MRPL22: variants seen among roughly 807,000 people sequenced by gnomAD.
The protein encoded by MRPL22 is mitochondrial ribosomal protein L22.
MRPL22 carries 27 observed loss-of-function variants against 32.4 expected under a neutral mutation model. The ratio of observed to expected loss-of-function variants is 0.83; its 90% confidence interval spans 0.61 to 1.15. The LOEUF (loss-of-function observed/expected upper bound fraction) is 1.15, where lower values mean the gene tolerates loss of function less well. Among genes scored for constraint, MRPL22 ranks in the 50% most tolerant of loss-of-function variants. The pLI is 0.00. For missense variants in MRPL22, 239 were observed against 260.2 expected, an observed-to-expected ratio of 0.92 and a Z score of 0.56; for synonymous variants, 86 against 87.3, an observed-to-expected ratio of 0.99 and a Z score of 0.08.
rs1764812309 is a variant in MRPL22 at position 154,969,132 on chromosome 5, C to G, written c.*2235C>G. The G allele has an allele frequency of 1.3e-5, 2 of 152,136 alleles. No homozygotes were observed. The highest frequency in any genetic ancestry group is 2.9e-5 in the Non-Finnish European group (2 of 68,040). 9.4% of individuals were successfully genotyped at this position (152,136 alleles called of 1,614,324 possible). On this transcript the variant is annotated 3_prime_UTR_variant, in exon 7 of 7. Transcript: ENST00000523037. ...CCCAATCTTATCTCAAATTGTAATC[C>G]CCATGTGTCCAGGGAGGGACCTGTA... is the stretch of plus-strand genomic sequence containing the variant.
chr5:154,951,871 T>C (rs1240155699), intron 3 of MRPL22, among the ~76,000 whole-genome samples: 1 of 151,672 alleles, frequency 6.6e-6, no homozygotes, highest in Non-Finnish European at 1.5e-5. Flanking sequence ...CTGAGCTCTT[T>C]GAAATCACGT....
chr5:154,952,603 T>C (rs1410116665), intron 3 of MRPL22, among the ~76,000 whole-genome samples: 1 of 152,216 alleles, frequency 6.6e-6, no homozygotes, highest in Non-Finnish European at 1.5e-5. Context: ...ATTTTCTGAC[T>C]TTAAATAGTA....
intron 3 of MRPL22, 120 bp downstream of exon 3, chr5:154,951,058 A>T (rs1417937001): frequency 2.9e-6 from 2 of 679,124 alleles, no homozygotes; most frequent in Admixed American, 2.7e-5. Flanking sequence ...TAATTGACAG[A>T]GAAGATGTAC....
intron 2 of MRPL22, among the ~76,000 whole-genome samples, chr5:154,949,484 T>C (rs1379855648): frequency 2.0e-5 from 3 of 152,204 alleles, no homozygotes; most frequent in Admixed American, 6.5e-5. Flanking sequence ...ATTGGGCAAG[T>C]TGATGGAAGA....
chr5:154,944,522 C>G lies in MRPL22; in HGVS notation c.77+3257C>G, dbSNP rs1399590341. On this transcript the variant is annotated intron_variant, in intron 2 of 6. Coordinates refer to ENST00000523037, the MANE Select transcript of MRPL22 (RefSeq NM_014180.4). ...CTGTCTCTGTATTCTTTCATTGATT[C>G]TACAAATATGTATTTAGTGCCTGCT... Among the ~76,000 whole-genome samples, 3 of 152,270 alleles carry G rather than the reference C, an allele frequency of 2.0e-5. No individual in the cohort carries two copies. In the East Asian group the frequency reaches 5.8e-4, roughly 29 times the overall value.
At position 154,941,285 on chromosome 5, in the gene MRPL22, G is replaced by A. The variant is rs1381509823; in HGVS notation, c.77+20G>A. On this transcript the variant is annotated intron_variant, in intron 2 of 6. Coordinates refer to ENST00000523037, the MANE Select transcript of MRPL22 (RefSeq NM_014180.4). Reference sequence around the variant, plus strand: ...CTTGGGGTGAGTCTCTCGCTTCGGAGTTTCGGAAGGGCCCAAGGCATCTTT... The same window carrying A: ...CTTGGGGTGAGTCTCTCGCTTCGGAATTTCGGAAGGGCCCAAGGCATCTTT... 2 of 1,612,524 alleles carry A rather than the reference G, an allele frequency of 1.2e-6. No homozygotes were observed. Among genetic ancestry groups the A allele is most frequent in the South Asian group, 1.1e-5 (1 of 91,012 alleles).
At chr5:154,956,708 T>G in intron 4 of MRPL22, 1 of 394,040 alleles carries the variant, frequency 2.5e-6, no homozygotes, top group East Asian at 4.7e-5. Context: ...AACCCACCTA[T>G]TTATCTGTAA....
chr5:154,946,751 G>A (rs1457643811), intron 2 of MRPL22, among the ~76,000 whole-genome samples: 1 of 152,184 alleles, frequency 6.6e-6, no homozygotes, highest in Non-Finnish European at 1.5e-5. Context: ...AATCCAGGAG[G>A]CGGAGGTTGC....
At chr5:154,957,091 G>C (rs375176953) in intron 4 of MRPL22, 44 bp from the exon 5 acceptor site, 1 of 1,520,768 alleles carries the variant, frequency 6.6e-7, no homozygotes, top group Non-Finnish European at 9.1e-7. Flanking sequence ...CATTGACTTT[G>C]TAAACTAATT....
chr5:154,963,607 A>G (rs1021121560), intron 6 of MRPL22, among the ~76,000 whole-genome samples: 3 of 152,256 alleles, frequency 2.0e-5, no homozygotes, highest in Non-Finnish European at 4.4e-5. Flanking sequence ...GATATTAAGT[A>G]GCAGATGATG....
At chr5:154,959,910 G>A (rs1037326066) in intron 5 of MRPL22, 70 bp from the exon 6 acceptor site, 2 of 1,045,662 alleles carry the variant, frequency 1.9e-6, no homozygotes, top group Non-Finnish European at 2.9e-6. Flanking sequence ...GAGATAATGA[G>A]AGATGAGAAA....
rs1764780289 is a variant in MRPL22 at position 154,967,081 on chromosome 5, A to G, written c.*184A>G. 4.4e-6 allele frequency: 3 copies of G among 685,904 alleles called. No homozygotes were observed. Among genetic ancestry groups the G allele is most frequent in the East Asian group, 2.8e-5 (1 of 35,498 alleles). 42.5% of individuals were successfully genotyped at this position (685,904 alleles called of 1,614,324 possible). On this transcript the variant is annotated 3_prime_UTR_variant, in exon 7 of 7. Transcript: ENST00000523037. This position sits in a 1 kb window ranked among gnomAD's most constrained non-coding sequence, Gnocchi z 4.7. ...CTTTTGAGCCTCTGGGCATATTTGT[A>G]TGCATTTGCGACTTGGAAGGGGAAA...
intron 6 of MRPL22, among the ~76,000 whole-genome samples, chr5:154,964,517 C>T (rs1582696041): frequency 6.6e-6 from 1 of 152,192 alleles, no homozygotes; most frequent in Non-Finnish European, 1.5e-5. Context: ...ATTTCATTTA[C>T]ACCTCAGGGT....
At chr5:154,941,648 G>A (rs1764417472) in intron 2 of MRPL22, among the ~76,000 whole-genome samples, 1 of 152,178 alleles carries the variant, frequency 6.6e-6, no homozygotes, top group Admixed American at 6.5e-5. Flanking sequence ...CTGACATTGT[G>A]TTTAGCGGTT....
intron 6 of MRPL22, among the ~76,000 whole-genome samples, chr5:154,961,285 T>C (rs1764698844): frequency 6.6e-6 from 1 of 152,204 alleles, no homozygotes; most frequent in African/African-American, 2.4e-5. Context: ...TGGTAGTTAA[T>C]CATAAGCATT....
rs776280829 is a variant in MRPL22, at chr5:154,941,255, C to T, written c.67C>T (p.Leu23=). ...WIHNLRSRGK[L]ALGVLPQSYI... ...ACATAACCTGAGGAGCCGGGGGAAGCTGGCCTTGGGGTGAGTCTCTCGCTT... is the reference window on the plus strand; with the variant it reads ...ACATAACCTGAGGAGCCGGGGGAAGTTGGCCTTGGGGTGAGTCTCTCGCTT... Residue 23 remains leucine, a synonymous_variant, in exon 2 of 7, where the codon CTG becomes TTG. Transcript: ENST00000523037. 1.1e-5 allele frequency: 17 copies of T among 1,613,212 alleles called. No individual in the cohort carries two copies. Among genetic ancestry groups the T allele is most frequent in the Non-Finnish European group, 1.4e-5 (16 of 1,180,028 alleles).
At position 154,967,129 on chromosome 5, in the gene MRPL22, A is replaced by G. The variant is rs1384750254; in HGVS notation, c.*232A>G. 1 of 516,012 alleles carries G rather than the reference A, an allele frequency of 1.9e-6. No homozygotes were observed. Among genetic ancestry groups the G allele is most frequent in the Non-Finnish European group, 3.4e-6 (1 of 294,702 alleles). 32.0% of individuals were successfully genotyped at this position (516,012 alleles called of 1,614,324 possible). Reference sequence around the variant, plus strand: ...AAATCAGCTTTAAACATAGTAACAGACTATATTTCAAAAGGCTTTTGGAGT... The same window carrying G: ...AAATCAGCTTTAAACATAGTAACAGGCTATATTTCAAAAGGCTTTTGGAGT... On this transcript the variant is annotated 3_prime_UTR_variant, in exon 7 of 7. Coordinates refer to ENST00000523037, the MANE Select transcript of MRPL22 (RefSeq NM_014180.4). The surrounding 1 kb of genome is among the most constrained non-coding windows in gnomAD (Gnocchi z 4.7).
intron 5 of MRPL22, 25 bp from the exon 6 acceptor site, chr5:154,959,955 A>T: frequency 1.3e-6 from 2 of 1,567,636 alleles, no homozygotes; most frequent in Non-Finnish European, 1.7e-6. Context: ...TAGCCGTATA[A>T]ATGCTTTTCT....
Position 154,957,148 on chromosome 5 carries a change from C to T in MRPL22, c.275C>T (p.Ser92Phe). The T allele has an allele frequency of 6.2e-7, 1 of 1,613,034 alleles. No homozygotes were observed. The highest frequency in any genetic ancestry group is 8.5e-7 in the Non-Finnish European group (1 of 1,179,184). Residue 92 changes from serine (S) to phenylalanine (F), a missense_variant, in exon 5 of 7, where the codon TCT (serine) becomes TTT (phenylalanine). Physicochemically the swap from Ser to Phe is radical, Grantham distance 155. Coordinates refer to ENST00000523037, the MANE Select transcript of MRPL22 (RefSeq NM_014180.4). ...CTTTAATTCTAGATACGAGGAATGT[C>T]TATTGACCAGGCTTTGGCTCAGTTG... ...WYLAKLIRGM[S>F]IDQALAQLEF...
Sources: gnomAD v4.1 joint callset for allele counts (sites outside exome capture counted in the v4.1 genomes callset) on GRCh38, gnomAD v4.1.1 for gene constraint, Gnocchi (gnomAD v3.1) non-coding constraint, MANE v1.5 for transcripts, NCBI Gene and HGNC (gene_info 2026-07-23, HGNC 2026-07-21) for gene names.